Variants in XKR9 observed in about 807,000 individuals in gnomAD.
The protein encoded by XKR9 is XK related 9.
Under a neutral mutation model 32.0 loss-of-function variants are expected in XKR9, and 32 were observed. The ratio of observed to expected loss-of-function variants is 1.00; its 90% CI spans 0.76 to 1.34. XKR9 has a LOEUF of 1.34. Ranked by LOEUF, XKR9 falls within the 40% of genes most tolerant of loss-of-function variation. The pLI is 0.00. For synonymous variants in XKR9, 168 were observed against 143.4 expected (o/e 1.17, Z -1.22); for missense variants, 546 against 429.7 (o/e 1.27, Z -2.39).
the XKR9 span, among the ~76,000 whole-genome samples, chr8:70,807,074 G>C: frequency 1.3e-5 from 2 of 152,156 alleles, no homozygotes; most frequent in African/African-American, 4.8e-5. Flanking sequence ...CCTCCCAGCA[G>C]AAACCGTACA....
At chr8:70,751,770 T>C (rs1807145283) in intron 2 of XKR9, among the ~76,000 whole-genome samples, 1 of 152,196 alleles carries the variant, frequency 6.6e-6, no homozygotes. Flanking sequence ...TCACCCCATA[T>C]TCTGAGGTCT....
chr8:70,804,022 A>G, the XKR9 span, among the ~76,000 whole-genome samples: 2 of 152,250 alleles, frequency 1.3e-5, no homozygotes, highest in Non-Finnish European at 2.9e-5. Context: ...TTGAGTTGCC[A>G]TAGAAGCAGG....
intron 3 of XKR9, among the ~76,000 whole-genome samples, chr8:70,699,114 C>G (rs1169008760): frequency 1.3e-5 from 2 of 152,176 alleles, no homozygotes; most frequent in East Asian, 1.9e-4. Flanking sequence ...ATACAACACA[C>G]TGATGGGTCT....
At chr8:70,997,521 C>A in the XKR9 span, among the ~76,000 whole-genome samples, 4 of 151,880 alleles carry the variant, frequency 2.6e-5, no homozygotes, top group African/African-American at 9.7e-5. Context: ...AAATGGAAAA[C>A]CAAACATTGT....
At chr8:70,736,598 T>C (rs1218451804), downstream of XKR9, among the ~76,000 whole-genome samples, 1 of 152,194 alleles carries the variant, frequency 6.6e-6, no homozygotes. Context: ...TTTATGGTTT[T>C]AGGTCTAACA....
chr8:70,750,306 T>C (rs1807120881), intron 2 of XKR9, among the ~76,000 whole-genome samples: 2 of 152,208 alleles, frequency 1.3e-5, no homozygotes, highest in African/African-American at 4.8e-5. Flanking sequence ...ATACTGTTAC[T>C]TTTTCTGAGC....
At chr8:70,858,589 C>T in the XKR9 span, among the ~76,000 whole-genome samples, 7 of 152,150 alleles carry the variant, frequency 4.6e-5, no homozygotes, top group Non-Finnish European at 1.0e-4. Context: ...GGAGGCATCA[C>T]ATTACCCGAC....
the XKR9 span, among the ~76,000 whole-genome samples, chr8:71,012,481 C>G: frequency 3.3e-5 from 5 of 152,124 alleles, no homozygotes; most frequent in Non-Finnish European, 1.5e-5. Context: ...TTTGTTAATT[C>G]TAGCCATGAG....
chr8:71,022,367 C>T, the XKR9 span, among the ~76,000 whole-genome samples: 1 of 151,998 alleles, frequency 6.6e-6, no homozygotes, highest in Non-Finnish European at 1.5e-5. Flanking sequence ...TTAATTGCTC[C>T]TTCATTTATG....
the XKR9 span, among the ~76,000 whole-genome samples, chr8:70,815,251 A>G: frequency 2.0e-5 from 3 of 152,066 alleles, no homozygotes; most frequent in Non-Finnish European, 4.4e-5. Flanking sequence ...TGTTGTACAG[A>G]TTATTTCATC....
chr8:70,763,447 G>A (rs1486791814), intron 2 of XKR9, among the ~76,000 whole-genome samples: 1 of 152,136 alleles, frequency 6.6e-6, no homozygotes, highest in Non-Finnish European at 1.5e-5. Flanking sequence ...CTGGGTGTGA[G>A]GTAAGAATCC....
At chr8:70,832,031 C>T in the XKR9 span, among the ~76,000 whole-genome samples, 1 of 152,186 alleles carries the variant, frequency 6.6e-6, no homozygotes. Context: ...GGTCATTCTG[C>T]ACAGCTTGAC....
the XKR9 span, among the ~76,000 whole-genome samples, chr8:71,063,897 C>T: frequency 1.3e-5 from 2 of 152,174 alleles, no homozygotes; most frequent in African/African-American, 2.4e-5. Flanking sequence ...AATGTATACT[C>T]ACCTAACAGC....
the XKR9 span, among the ~76,000 whole-genome samples, chr8:70,932,957 A>C: frequency 6.6e-6 from 1 of 152,090 alleles, no homozygotes; most frequent in East Asian, 1.9e-4. Context: ...TCACTTGATC[A>C]TATTTGTGTG....
the XKR9 span, among the ~76,000 whole-genome samples, chr8:70,925,999 G>C: frequency 3.3e-5 from 5 of 152,112 alleles, no homozygotes; most frequent in Non-Finnish European, 7.4e-5. Context: ...CTGTTTTGTG[G>C]AACACTAATG....
At chr8:70,958,468 T>C in the XKR9 span, among the ~76,000 whole-genome samples, 1 of 152,248 alleles carries the variant, frequency 6.6e-6, no homozygotes, top group South Asian at 2.1e-4. Context: ...GTTGATCTTT[T>C]TAAAATATGT....
chr8:70,777,371 G>C (rs1211819940), intron 2 of XKR9, among the ~76,000 whole-genome samples: 1 of 152,204 alleles, frequency 6.6e-6, no homozygotes, highest in Admixed American at 6.5e-5. Context: ...GGACATTTGG[G>C]TTGGTTCCAA....
At chr8:71,060,216 G>C in the XKR9 span, among the ~76,000 whole-genome samples, 2 of 152,338 alleles carry the variant, frequency 1.3e-5, no homozygotes, top group African/African-American at 4.8e-5. Context: ...AAGTTGGCCT[G>C]TTCTTTTGTG....
chr8:70,893,196 A>G, the XKR9 span, among the ~76,000 whole-genome samples: 16 of 152,122 alleles, frequency 1.1e-4, no homozygotes, highest in Non-Finnish European at 2.1e-4. Flanking sequence ...TTCTTTTGTA[A>G]AAAACGATTC....
Sources: allele counts gnomAD v4.1 joint callset (sites outside exome capture counted in the v4.1 genomes callset), GRCh38; gene constraint gnomAD v4.1.1; transcripts MANE v1.5; gene names NCBI Gene and HGNC (gene_info 2026-07-23, HGNC 2026-07-21).